The following POU6F1 variants were observed in gnomAD, a reference collection of about 807,000 sequenced individuals.
The protein encoded by POU6F1 is POU domain, class 6, transcription factor 1.
Under a neutral mutation model 28.9 loss-of-function variants are expected in POU6F1, and 9 were observed. That is an observed-to-expected ratio of 0.31 (90% confidence interval 0.19 to 0.54). POU6F1 has a LOEUF of 0.54. Among genes scored for constraint, POU6F1 ranks in the 20% least tolerant of loss-of-function variants. POU6F1 has a pLI of 0.94. For missense variants in POU6F1, 338 were observed against 426.1 expected (o/e 0.79, Z 1.82); for synonymous variants, 173 against 171.1 (o/e 1.01, Z -0.09).
chr12:51,203,097 G>T (rs1943335313), intron 3 of POU6F1, among the ~76,000 whole-genome samples: 1 of 152,108 alleles, frequency 6.6e-6, no homozygotes, highest in South Asian at 2.1e-4. Flanking sequence ...AGGCGTTTGT[G>T]AAAGGCTTAG....
chr12:51,190,148 T>TGCAC lies in POU6F1; in HGVS notation c.*95_*98dup. ...TCTGATGACCTGGGGTGAGCACAGC[T>TGCAC]GCACGTGGCAAAATGACAGGTGCTG... On this transcript the variant is annotated 3_prime_UTR_variant, in exon 11 of 11. Coordinates refer to ENST00000333640, the MANE Select transcript of POU6F1 (RefSeq NM_001330422.2). This position sits in a 1 kb window ranked among gnomAD's most constrained non-coding sequence, Gnocchi z 4.5. 6.7e-7 allele frequency: 1 copy of TGCAC among 1,501,248 alleles called. No homozygotes were observed. The highest frequency in any genetic ancestry group is 8.9e-7 in the Non-Finnish European group (1 of 1,126,908). 93.0% of individuals were successfully genotyped at this position (1,501,248 alleles called of 1,614,324 possible).
rs1387438564 is a variant in POU6F1, at chr12:51,196,147, C to T, written c.1002G>A (p.Val334=). ...CTGGGGCCGCCACACTAGCTGAGTT[C>T]ACTACCCATGGAAGGGTTCCAATAA... ...GQVIGTLPWV[V]NSASVAAPAP... Residue 334 remains valine, a synonymous_variant, in exon 8 of 11, where the codon GTG becomes GTA. Transcript: ENST00000333640. The T allele has an allele frequency of 5.2e-6, 8 of 1,549,558 alleles. No individual in the cohort carries two copies. The highest frequency in any genetic ancestry group is 7.0e-6 in the Non-Finnish European group (8 of 1,150,820).
At chr12:51,205,248 G>T (rs1565624900) in intron 2 of POU6F1, among the ~76,000 whole-genome samples, 2 of 151,464 alleles carry the variant, frequency 1.3e-5, no homozygotes, top group Non-Finnish European at 2.9e-5. Flanking sequence ...CACTGTGTTG[G>T]CCAGGATGGT....
At position 51,197,752 on chromosome 12, in the gene POU6F1, G is replaced by A. The variant is rs1942936399; in HGVS notation, c.846+18C>T. ...TCCGTCCATCCCTGGTCAGCCCTGG[G>A]TGAGGGCAGCAGCTTACGATTCCTG... is the stretch of plus-strand genomic sequence containing the variant. On this transcript the variant is annotated intron_variant, in intron 6 of 10. Transcript: ENST00000333640. The A allele has an allele frequency of 2.5e-6, 1 of 399,762 alleles. No homozygotes were observed. The allele number at this position is 399,762 out of a possible 1,614,324, so 24.8% of individuals were successfully genotyped here.
chr12:51,213,826 C>A (rs1315751078), intron 1 of POU6F1, among the ~76,000 whole-genome samples: 1 of 151,674 alleles, frequency 6.6e-6, no homozygotes, highest in Middle Eastern at 3.2e-3. Flanking sequence ...GCCACCACAT[C>A]CGGCCTAATT....
At position 51,190,300 on chromosome 12, in the gene POU6F1, G is replaced by A. The variant is rs754214069; in HGVS notation, c.1783C>T (p.Arg595Trp). ...REVVRVWFCN[R>W]RQTLKNTSKL... ...CTGGTGTTCTTGAGCGTCTGGCGCC[G>A]ATTGCAGAACCAGACCCGCACTACC... The change falls in exon 11 of 11, where the codon CGG becomes TGG. Residue 595 changes from arginine to tryptophan, a missense_variant. By Grantham distance (101) the Arg-to-Trp change is moderately radical. Around this residue, in one of 3 missense-constraint regions of POU6F1, gnomAD observed 126 missense variants for 176.5 expected, o/e 0.71. Transcript: ENST00000333640. This position sits in a 1 kb window ranked among gnomAD's most constrained non-coding sequence, Gnocchi z 4.5. 1.9e-6 allele frequency: 3 copies of A among 1,614,200 alleles called. No individual in the cohort carries two copies. Among genetic ancestry groups the A allele is most frequent in the East Asian group, 2.2e-5 (1 of 44,882 alleles).
intron 1 of POU6F1, among the ~76,000 whole-genome samples, chr12:51,215,425 T>G (rs1291332925): frequency 1.3e-5 from 2 of 151,452 alleles, no homozygotes; most frequent in African/African-American, 2.4e-5. Flanking sequence ...CATGGTGGTG[T>G]GCGCCTATAG....
rs535303663 is a variant in POU6F1 at position 51,206,423 on chromosome 12, A to AAAAC, written c.48+362_48+365dup. 1.3e-3 allele frequency among the ~76,000 whole-genome samples: 191 copies of AAAAC among 151,386 alleles called. 2 individuals are homozygous for AAAAC. Among genetic ancestry groups the AAAAC allele is most frequent in the African/African-American group, 3.7e-3 (152 of 41,322 alleles). On this transcript the variant is annotated intron_variant, in intron 2 of 10. Coordinates refer to ENST00000333640, the MANE Select transcript of POU6F1 (RefSeq NM_001330422.2). ...GGGTGACAGAGTGAGACTCCATCTC[A>AAAAC]AAACAAACAAACAAACAAACAAACA... is the stretch of plus-strand genomic sequence containing the variant.
chr12:51,197,988 C>T lies in POU6F1; in HGVS notation c.628G>A (p.Val210Ile), dbSNP rs1942953615. The T allele has an allele frequency of 7.5e-6, 3 of 399,844 alleles. No homozygotes were observed. In the South Asian group the frequency reaches 3.8e-4, roughly 50 times the overall value. 24.8% of individuals were successfully genotyped at this position (399,844 alleles called of 1,614,324 possible). Reference protein sequence around the residue: ...AVLNTALPAPVQAAAPVQASS... With the variant: ...AVLNTALPAPIQAAAPVQASS... ...GCCTGTACTGGTGCGGCAGCTTGTA[C>T]CGGTGCCGGAAGAGCGGTGTTCAGC... is the stretch of plus-strand genomic sequence containing the variant. Residue 210 changes from valine to isoleucine, a missense_variant, in exon 6 of 11, where the codon GTA (valine) becomes ATA (isoleucine). By Grantham distance (29) the Val-to-Ile change is conservative (BLOSUM62 3). Transcript: ENST00000333640.
In POU6F1 at chr12:51,215,710, TC is replaced by T. The variant is rs369617896; in HGVS notation, c.-48+1931del. Among the ~76,000 whole-genome samples the T allele has an allele frequency of 6.8e-3, 1,032 of 152,198 alleles. 16 individuals are homozygous for T. Among genetic ancestry groups the T allele is most frequent in the Non-Finnish European group, 7.4e-3 (503 of 68,006 alleles). On this transcript the variant is annotated intron_variant, in intron 1 of 10. Coordinates refer to ENST00000333640, the MANE Select transcript of POU6F1 (RefSeq NM_001330422.2). ...GTTTCTCCTGCATCCCACTCTCTCT[TC>T]TGCCTCATGAACCCTCATTTTGACA...
intron 10 of POU6F1, among the ~76,000 whole-genome samples, chr12:51,191,322 A>G (rs1346032085): frequency 6.6e-6 from 1 of 152,238 alleles, no homozygotes; most frequent in African/African-American, 2.4e-5. Context: ...TCCTGCTAGA[A>G]TTCCTCAGTG....
intron 1 of POU6F1, 173 bp from the exon 2 acceptor site, chr12:51,207,056 C>T (rs1943676234): frequency 3.0e-6 from 1 of 335,786 alleles, no homozygotes; most frequent in Non-Finnish European, 5.3e-6. Context: ...GACAGTTTCA[C>T]TCTGTCGCCC....
At position 51,188,569 on chromosome 12, in the gene POU6F1, C is replaced by G. The variant is rs971940473; in HGVS notation, c.*1678G>C. ...ACACAACTGTCCTCCTCTTACTGGC[C>G]AGGCTACCAAGAGGGTGGCCACGCT... On this transcript the variant is annotated 3_prime_UTR_variant, in exon 11 of 11. Coordinates refer to ENST00000333640, the MANE Select transcript of POU6F1 (RefSeq NM_001330422.2). 1.3e-5 allele frequency: 2 copies of G among 152,332 alleles called. No homozygotes were observed. Among genetic ancestry groups the G allele is most frequent in the Non-Finnish European group, 2.9e-5 (2 of 68,082 alleles). 9.4% of individuals were successfully genotyped at this position (152,332 alleles called of 1,614,324 possible). A position where few individuals can be genotyped will look rare whatever the true frequency, so the allele number is the denominator to read the frequency against.
intron 1 of POU6F1, among the ~76,000 whole-genome samples, chr12:51,215,599 A>G (rs1206308494): frequency 6.7e-6 from 1 of 149,322 alleles, no homozygotes; most frequent in Non-Finnish European, 1.5e-5. Context: ...AAGGTGTAGT[A>G]TTGGGTTCTG....
At chr12:51,196,983 C>T in intron 6 of POU6F1, 56 bp from the exon 7 acceptor site, 2 of 1,036,026 alleles carry the variant, frequency 1.9e-6, no homozygotes, top group Non-Finnish European at 2.9e-6. Flanking sequence ...GAACCCCGGG[C>T]AGAGGGAAGA....
At chr12:51,209,117 CA>C (rs1308153996) in intron 1 of POU6F1, among the ~76,000 whole-genome samples, 1 of 152,150 alleles carries the variant, frequency 6.6e-6, no homozygotes, top group African/African-American at 2.4e-5. Flanking sequence ...TATAGCAGCC[CA>C]AACAGACTAC....
intron 1 of POU6F1, among the ~76,000 whole-genome samples, chr12:51,215,546 ACCCTG>A (rs1180462634): frequency 2.1e-4 from 20 of 93,262 alleles, no homozygotes; most frequent in African/African-American, 8.6e-4. Flanking sequence ...ACAGAGTGAA[ACCCTG>A]TCTCAAAAAA....
intron 10 of POU6F1, among the ~76,000 whole-genome samples, chr12:51,191,058 C>G (rs990879554): frequency 6.6e-6 from 1 of 152,232 alleles, no homozygotes; most frequent in African/African-American, 2.4e-5. Context: ...CTAGCCTGAC[C>G]TATGGAGCTG....
At chr12:51,192,552 G>A in intron 8 of POU6F1, 81 bp from the exon 9 acceptor site, 1 of 1,534,868 alleles carries the variant, frequency 6.5e-7, no homozygotes, top group Non-Finnish European at 8.8e-7. Flanking sequence ...CCAGAGGCAG[G>A]GCAAAAACAG....
Sources: allele counts gnomAD v4.1 joint callset (sites outside exome capture counted in the v4.1 genomes callset), GRCh38; gene constraint gnomAD v4.1.1; regional missense constraint gnomAD v4.1.1; non-coding constraint Gnocchi (gnomAD v3.1); transcripts MANE v1.5; gene names NCBI Gene and HGNC (gene_info 2026-07-23, HGNC 2026-07-21).